Variants in CCDC102A observed in about 807,000 individuals in gnomAD.
CCDC102A encodes the protein coiled-coil domain-containing protein 102A.
A neutral mutation model predicts 55.5 loss-of-function variants in CCDC102A; 40 were observed. The observed-to-expected ratio is 0.72, with a 90% CI of 0.56 to 0.94. The LOEUF (loss-of-function observed/expected upper bound fraction) is 0.94, where lower values mean the gene tolerates loss of function less well. CCDC102A is among the 40% of genes least tolerant of loss of function. CCDC102A has a pLI of 0.00. For synonymous variants in CCDC102A, 323 were observed against 339.0 expected (o/e 0.95, Z 0.52); for missense variants, 779 against 768.6 (o/e 1.01, Z -0.16).
chr16:57,530,726 G>T (rs1444491544), intron 1 of CCDC102A, among the ~76,000 whole-genome samples: 1 of 152,046 alleles, frequency 6.6e-6, no homozygotes, highest in African/African-American at 2.4e-5. Flanking sequence ...AGCCAGTGAC[G>T]TCCTTTCCAG....
At chr16:57,525,804 T>G in intron 3 of CCDC102A, 97 bp downstream of exon 3, 1 of 1,097,408 alleles carries the variant, frequency 9.1e-7, no homozygotes, top group Non-Finnish European at 1.3e-6. Context: ...GTCTAAACAC[T>G]ACCTGTCATC....
At chr16:57,514,831 G>A (rs1166743022) in intron 8 of CCDC102A, among the ~76,000 whole-genome samples, 1 of 152,166 alleles carries the variant, frequency 6.6e-6, no homozygotes, top group Admixed American at 6.5e-5. Context: ...ATATCGCCTG[G>A]TTCTGTGATT....
At chr16:57,527,379 C>T (rs1353257194) in intron 2 of CCDC102A, among the ~76,000 whole-genome samples, 1 of 152,066 alleles carries the variant, frequency 6.6e-6, no homozygotes, top group Admixed American at 6.6e-5. Context: ...CAGGTTCAAA[C>T]CCCAGCAAGT....
Position 57,526,127 on chromosome 16 carries a change from C to A in CCDC102A, c.586G>T (p.Glu196Ter). ...AGCAGGCTCTCCACCAGCTCCAGTT[C>A]CTGCGGGGACCAAGGTGGAGGCTGG... ...VGSERPPGSQ[E>*]LELVESLLKS... Residue 196 changes from glutamate (E) to a stop codon, truncating the protein, a stop_gained and splice_region_variant, in exon 3 of 9, where the codon GAA becomes TAA. Coordinates refer to ENST00000258214, the MANE Select transcript of CCDC102A (RefSeq NM_033212.4). LOFTEE classifies it high-confidence loss of function. 2 of 1,535,916 alleles carry A rather than the reference C, an allele frequency of 1.3e-6. No individual in the cohort carries two copies. Among genetic ancestry groups the A allele is most frequent in the East Asian group, 2.4e-5 (1 of 41,976 alleles).
At chr16:57,536,641 G>A (rs997983259), upstream of CCDC102A, 4 of 152,264 alleles carry the variant, frequency 2.6e-5, no homozygotes, top group East Asian at 7.8e-4. Context: ...GGGGAAGCAG[G>A]GGGAGCGGCG....
Position 57,526,021 on chromosome 16 carries a change from C to G in CCDC102A, c.692G>C (p.Arg231Pro), listed in dbSNP as rs140486249. 3 of 1,602,774 alleles carry G rather than the reference C, an allele frequency of 1.9e-6. No individual in the cohort carries two copies. Among genetic ancestry groups the G allele is most frequent in the Non-Finnish European group, 2.6e-6 (3 of 1,175,930 alleles). The change falls in exon 3 of 9, where the codon CGC becomes CCC. Residue 231 changes from arginine to proline, a missense_variant. Arg to Pro is a moderately radical substitution (Grantham distance 103). Coordinates refer to ENST00000258214, the MANE Select transcript of CCDC102A (RefSeq NM_033212.4). The stretch of plus-strand genomic sequence containing the variant: ...CCAGGGTAGCCGGCTGCGCTCCTGG[C>G]GGCCTGAGCTGCCCCGCGGGCCCCC... The part of the protein sequence containing the change: ...GAGGPRGSSG[R>P]QERSRLPWED...
intron 2 of CCDC102A, among the ~76,000 whole-genome samples, chr16:57,527,187 T>C (rs1268183398): frequency 6.6e-6 from 1 of 152,156 alleles, no homozygotes; most frequent in Non-Finnish European, 1.5e-5. Context: ...GCAGTCTTAT[T>C]TGGAGGAGTT....
intron 3 of CCDC102A, among the ~76,000 whole-genome samples, chr16:57,521,993 A>G (rs2032059468): frequency 6.6e-6 from 1 of 152,184 alleles, no homozygotes; most frequent in African/African-American, 2.4e-5. Flanking sequence ...ATTAGGGGTC[A>G]TTTAGTGGAC....
intron 3 of CCDC102A, among the ~76,000 whole-genome samples, chr16:57,524,715 A>AC (rs1479190953): frequency 7.6e-6 from 1 of 132,336 alleles, no homozygotes; most frequent in African/African-American, 3.6e-5. Flanking sequence ...CATTATATTG[A>AC]TTTTTTAAAA....
chr16:57,531,615 C>A (rs1054525299), intron 1 of CCDC102A, among the ~76,000 whole-genome samples: 1 of 152,166 alleles, frequency 6.6e-6, no homozygotes, highest in African/African-American at 2.4e-5. Flanking sequence ...CTGATTCCTC[C>A]CTAGCCTCAA....
intron 4 of CCDC102A, among the ~76,000 whole-genome samples, chr16:57,519,547 T>C (rs1157357868): frequency 6.6e-6 from 1 of 152,250 alleles, no homozygotes; most frequent in Non-Finnish European, 1.5e-5. Flanking sequence ...TCTTGCGGTA[T>C]ACAGCAAACC....
At chr16:57,519,982 G>A (rs1192659230) in intron 4 of CCDC102A, among the ~76,000 whole-genome samples, 1 of 152,222 alleles carries the variant, frequency 6.6e-6, no homozygotes, top group East Asian at 1.9e-4. Flanking sequence ...CGTAGTGGCA[G>A]CTCAGCCTGC....
In CCDC102A at chr16:57,525,918, C is replaced by G; in HGVS notation, c.795G>C (p.Val265=). ...LRLRLDESQK[V]LLKEREDKLA... ...CGACTCACTCTCGCTCCTTGAGCAG[C>G]ACCTTCTGGGACTCATCCAGCCGTA... Residue 265 remains valine, a synonymous_variant, in exon 3 of 9, where the codon GTG becomes GTC. Transcript: ENST00000258214. The G allele has an allele frequency of 6.2e-7, 1 of 1,612,330 alleles. No homozygotes were observed. The highest frequency in any genetic ancestry group is 2.2e-5 in the East Asian group (1 of 44,836).
Position 57,528,672 on chromosome 16 carries a change from TG to T in CCDC102A, c.505del (p.Gln169ArgfsTer36). ...TTCCGGCTCGGGGCCGTCGCGCGTC[TG>T]GTCGGCGACCCCCCGGGCGCCCCTC... ...RLRGARGVAD[Q>X]TRDGPEPEAE... On this transcript the variant is annotated frameshift_variant, in exon 2 of 9. Transcript: ENST00000258214. LOFTEE classifies it high-confidence loss of function. The T allele has an allele frequency of 8.8e-7, 1 of 1,140,952 alleles. No individual in the cohort carries two copies. Among genetic ancestry groups the T allele is most frequent in the Non-Finnish European group, 1.1e-6 (1 of 925,970 alleles). The allele number at this position is 1,140,952 out of a possible 1,614,324, so 70.7% of individuals were successfully genotyped here. A position where few individuals can be genotyped will look rare whatever the true frequency, so the allele number is the denominator to read the frequency against.
In CCDC102A at chr16:57,530,668, G is replaced by A. The variant is rs780814639; in HGVS notation, c.-147-1344C>T. 1.4e-4 allele frequency among the ~76,000 whole-genome samples: 22 copies of A among 152,206 alleles called. No homozygotes were observed. The South Asian group carries it at 2.9e-3, about 20-fold the overall frequency. ...CTCTCTGCCCCTGAGAGGACAGAGGGGTTCTCCTTCCTTGAGCCGAAGGCC... is the reference window on the plus strand; with the variant it reads ...CTCTCTGCCCCTGAGAGGACAGAGGAGTTCTCCTTCCTTGAGCCGAAGGCC... On this transcript the variant is annotated intron_variant, in intron 1 of 8. Coordinates refer to ENST00000258214, the MANE Select transcript of CCDC102A (RefSeq NM_033212.4).
chr16:57,518,127 C>G lies in CCDC102A; in HGVS notation c.1189G>C (p.Ala397Pro), dbSNP rs752427469. 3.1e-6 allele frequency: 5 copies of G among 1,609,628 alleles called. No homozygotes were observed. The South Asian group carries it at 3.3e-5, about 11-fold the overall frequency. ...CTCAGGTCGCAGTCCAGTGCGCTGG[C>G]TGTTTGCCGCCGCCGCCGGGCCAGC... ...EALARRRRQT[A>P]SALDCDLRAS... Residue 397 changes from alanine (A) to proline (P), a missense_variant, in exon 6 of 9, where the codon GCC (alanine) becomes CCC (proline). Coordinates refer to ENST00000258214, the MANE Select transcript of CCDC102A (RefSeq NM_033212.4).
At chr16:57,526,469 C>A (rs1481799509) in intron 2 of CCDC102A, among the ~76,000 whole-genome samples, 2 of 152,178 alleles carry the variant, frequency 1.3e-5, no homozygotes, top group Non-Finnish European at 1.5e-5. Flanking sequence ...ATGGCTTAAG[C>A]CTAGATTCCT....
intron 1 of CCDC102A, among the ~76,000 whole-genome samples, chr16:57,530,717 G>A (rs2032241336): frequency 6.6e-6 from 1 of 152,094 alleles, no homozygotes; most frequent in Non-Finnish European, 1.5e-5. Context: ...TCCCACCCTA[G>A]CCAGTGACGT....
intron 4 of CCDC102A, among the ~76,000 whole-genome samples, chr16:57,519,484 T>C (rs1346984926): frequency 6.6e-6 from 1 of 152,232 alleles, no homozygotes; most frequent in African/African-American, 2.4e-5. Flanking sequence ...CCAACACTGC[T>C]CTGCACACAG....
Sources: allele counts gnomAD v4.1 joint callset (sites outside exome capture counted in the v4.1 genomes callset), GRCh38; gene constraint gnomAD v4.1.1; transcripts MANE v1.5; gene names NCBI Gene and HGNC (gene_info 2026-07-23, HGNC 2026-07-21).